Variants in ACTR3B observed in about 807,000 individuals in gnomAD.
ACTR3B encodes actin related protein 3B.
ACTR3B carries 8 observed loss-of-function variants against 59.0 expected under a neutral mutation model. The ratio of observed to expected loss-of-function variants is 0.14; its 90% CI spans 0.08 to 0.24. ACTR3B has a LOEUF of 0.24. Among genes scored for constraint, ACTR3B ranks in the 10% least tolerant of loss-of-function variants. The probability of loss-of-function intolerance (pLI) is 1.00; values close to 1 mark genes in which losing one functional copy is unlikely to be tolerated. For missense variants in ACTR3B, 245 were observed against 552.3 expected, an observed-to-expected ratio of 0.44 and a Z score of 5.58; for synonymous variants, 148 against 197.9, an observed-to-expected ratio of 0.75 and a Z score of 2.12.
Position 152,853,523 on chromosome 7 carries a change from G to C in ACTR3B, c.1107G>C (p.Thr369=). 6.2e-7 allele frequency: 1 copy of C among 1,612,814 alleles called. No homozygotes were observed. Among genetic ancestry groups the C allele is most frequent in the Non-Finnish European group, 8.5e-7 (1 of 1,179,586 alleles). ...AGCCTGTGGAGGTCCAGGTGGTCAC[G>C]CATCACATGCAGCGCTACGCCGTGT... is the stretch of plus-strand genomic sequence containing the variant. ...KPKPVEVQVV[T]HHMQRYAVWF... Residue 369 remains threonine (T), a synonymous_variant, in exon 11 of 12, where the codon ACG becomes ACC. Coordinates refer to ENST00000256001, the MANE Select transcript of ACTR3B (RefSeq NM_020445.6).
intron 9 of ACTR3B, among the ~76,000 whole-genome samples, chr7:152,833,331 G>A (rs527317117): frequency 5.3e-5 from 8 of 152,308 alleles, no homozygotes; most frequent in African/African-American, 1.4e-4. Flanking sequence ...ATAACAGCCC[G>A]TATTTTAGAC....
intron 9 of ACTR3B, among the ~76,000 whole-genome samples, chr7:152,845,181 A>T (rs1373502156): frequency 6.6e-6 from 1 of 151,368 alleles, no homozygotes; most frequent in Non-Finnish European, 1.5e-5. Context: ...TATATACAGT[A>T]TATGCTGGGT....
intron 2 of ACTR3B, among the ~76,000 whole-genome samples, chr7:152,784,956 T>C (rs1252355720): frequency 1.3e-5 from 2 of 152,064 alleles, no homozygotes; most frequent in East Asian, 1.9e-4. Flanking sequence ...TCCATGACAA[T>C]TGGTGTTCTG....
chr7:152,766,795 CT>C (rs2098111780), intron 1 of ACTR3B, among the ~76,000 whole-genome samples: 2 of 151,542 alleles, frequency 1.3e-5, no homozygotes, highest in South Asian at 4.2e-4. Flanking sequence ...TTTTTCTTTT[CT>C]GTTTTTTTGA....
At chr7:152,806,660 A>G (rs1277664799) in intron 4 of ACTR3B, among the ~76,000 whole-genome samples, 2 of 152,198 alleles carry the variant, frequency 1.3e-5, no homozygotes, top group African/African-American at 4.8e-5. Context: ...GAGGGTGTTA[A>G]GGGCAGGAGG....
At chr7:152,782,177 G>A (rs1198011928) in intron 1 of ACTR3B, among the ~76,000 whole-genome samples, 1 of 151,238 alleles carries the variant, frequency 6.6e-6, no homozygotes, top group Non-Finnish European at 1.5e-5. Context: ...TTAATATTAA[G>A]CATATTGAAA....
intron 11 of ACTR3B, 65 bp downstream of exon 11, chr7:152,853,642 A>ACTGTCTAC: frequency 7.1e-7 from 1 of 1,410,992 alleles, no homozygotes; most frequent in Non-Finnish European, 9.9e-7. Context: ...TTGGGTAAAT[A>ACTGTCTAC]CTGTCTACGA....
Position 152,816,284 on chromosome 7 carries a change from A to C in ACTR3B, c.433-197A>C, listed in dbSNP as rs58848497. ...TGAAAACTTGACTCCTATAGTTGTA[A>C]GTACTCAACATTTTCGTGTTAGTTG... On this transcript the variant is annotated intron_variant, in intron 5 of 11. Transcript: ENST00000256001. Among the ~76,000 whole-genome samples, 946 of 152,138 alleles carry C rather than the reference A, an allele frequency of 6.2e-3. 11 individuals are homozygous for C. Among genetic ancestry groups the C allele is most frequent in the East Asian group, 0.033 (168 of 5,158 alleles).
intron 2 of ACTR3B, among the ~76,000 whole-genome samples, chr7:152,789,061 AACAAAC>A (rs1272018319): frequency 9.9e-5 from 2 of 20,186 alleles, no homozygotes; most frequent in Non-Finnish European, 5.0e-4. Context: ...AAACAGCAAC[AACAAAC>A]AACAACAACA....
intron 5 of ACTR3B, among the ~76,000 whole-genome samples, chr7:152,815,384 T>G (rs1361396554): frequency 1.3e-5 from 2 of 152,212 alleles, no homozygotes; most frequent in Non-Finnish European, 2.9e-5. Context: ...CAAATTTATT[T>G]AACTACAGAT....
At chr7:152,852,574 A>G (rs781552360) in intron 10 of ACTR3B, among the ~76,000 whole-genome samples, 1 of 152,176 alleles carries the variant, frequency 6.6e-6, no homozygotes, top group African/African-American at 2.4e-5. Context: ...AGATGGGACT[A>G]ATTTATGGTG....
At chr7:152,823,634 C>G (rs1279957644) in intron 8 of ACTR3B, 119 bp downstream of exon 8, 19 of 1,251,028 alleles carry the variant, frequency 1.5e-5, no homozygotes, top group Non-Finnish European at 1.9e-5. Context: ...CATTCGGTCT[C>G]TCTGCATCCC....
intron 1 of ACTR3B, among the ~76,000 whole-genome samples, chr7:152,775,700 A>G (rs966535307): frequency 5.3e-5 from 8 of 151,882 alleles, no homozygotes; most frequent in Admixed American, 3.9e-4. Context: ...CGGAGGTTGC[A>G]GTGAGCCAAG....
chr7:152,817,140 T>C (rs1424123375), intron 6 of ACTR3B, among the ~76,000 whole-genome samples: 1 of 152,006 alleles, frequency 6.6e-6, no homozygotes, highest in Non-Finnish European at 1.5e-5. Flanking sequence ...ATCCCAGCAC[T>C]TTGGGAGGCC....
chr7:152,806,680 T>G (rs915716499), intron 4 of ACTR3B, among the ~76,000 whole-genome samples: 84 of 152,332 alleles, frequency 5.5e-4, no homozygotes, highest in African/African-American at 1.9e-3. Context: ...GCAAGTCTAC[T>G]ACTTGAGTCT....
At chr7:152,789,067 C>T (rs11764276) in intron 2 of ACTR3B, among the ~76,000 whole-genome samples, 1 of 37,696 alleles carries the variant, frequency 2.7e-5, no homozygotes, top group Non-Finnish European at 9.5e-5. Context: ...CAACAACAAA[C>T]AACAACAACA....
intron 4 of ACTR3B, among the ~76,000 whole-genome samples, chr7:152,805,008 T>C (rs982139913): frequency 1.4e-5 from 2 of 147,754 alleles, no homozygotes; most frequent in African/African-American, 5.2e-5. Context: ...GTATCACTCA[T>C]GGAGTTATTT....
intron 7 of ACTR3B, among the ~76,000 whole-genome samples, chr7:152,821,985 A>G (rs187227921): frequency 6.6e-6 from 1 of 152,350 alleles, no homozygotes; most frequent in East Asian, 1.9e-4. Context: ...AACATTTCCT[A>G]GCAAGCATTT....
At position 152,854,533 on chromosome 7, in the gene ACTR3B, G is replaced by A. The variant is rs751597401; in HGVS notation, c.1237G>A (p.Val413Ile). Residue 413 changes from valine to isoleucine, a missense_variant, in exon 12 of 12, where the codon GTC (valine) becomes ATC (isoleucine). Val to Ile is a conservative substitution (Grantham distance 29). Transcript: ENST00000256001. The surrounding 1 kb of genome is among the most constrained non-coding windows in gnomAD (Gnocchi z 4.9). ...GCCCAGCATCTGCCGCCACAACCCC[G>A]TCTTTGGAGTCATGTCCTAGTGTCT... ...YGPSICRHNP[V>I]FGVMS 3 of 1,614,082 alleles carry A rather than the reference G, an allele frequency of 1.9e-6. No homozygotes were observed. Among genetic ancestry groups the A allele is most frequent in the Middle Eastern group, 3.3e-4 (2 of 6,038 alleles).
Sources: allele counts gnomAD v4.1 joint callset (sites outside exome capture counted in the v4.1 genomes callset), GRCh38; gene constraint gnomAD v4.1.1; non-coding constraint Gnocchi (gnomAD v3.1); transcripts MANE v1.5; gene names NCBI Gene and HGNC (gene_info 2026-07-23, HGNC 2026-07-21).